The following IQSEC1 variants were observed in gnomAD, a reference collection of about 807,000 sequenced individuals.
IQSEC1 encodes the protein IQ motif and Sec7 domain ArfGEF 1.
A neutral mutation model predicts 91.0 loss-of-function variants in IQSEC1; 31 were observed. That is an observed-to-expected ratio of 0.34 (90% CI 0.26 to 0.46). The LOEUF is 0.46. Ranked by LOEUF, IQSEC1 falls within the 20% of genes least tolerant of loss-of-function variation. IQSEC1 has a pLI of 1.00. For synonymous variants in IQSEC1, 699 were observed against 662.6 expected, an observed-to-expected ratio of 1.05 and a Z score of -0.84; for missense variants, 1,388 against 1,575.6, an observed-to-expected ratio of 0.88 and a Z score of 2.02.
At chr3:12,932,953 G>T (rs551618033) in intron 3 of IQSEC1, among the ~76,000 whole-genome samples, 2 of 152,212 alleles carry the variant, frequency 1.3e-5, no homozygotes, top group South Asian at 4.1e-4. Context: ...CTCAGGCTTC[G>T]TTTCTGTTCT....
intron 1 of IQSEC1, among the ~76,000 whole-genome samples, chr3:13,267,307 T>C (rs1695508788): frequency 2.0e-5 from 3 of 152,222 alleles, no homozygotes. Flanking sequence ...AATAAATGTC[T>C]ATTGTTTATA....
intron 1 of IQSEC1, among the ~76,000 whole-genome samples, chr3:13,229,005 C>G (rs1027710655): frequency 6.6e-6 from 1 of 152,204 alleles, no homozygotes; most frequent in East Asian, 1.9e-4. Context: ...ACCACTAGAG[C>G]CTGGCCTGGT....
intron 1 of IQSEC1, among the ~76,000 whole-genome samples, chr3:12,962,586 G>A (rs1000959862): frequency 6.6e-6 from 1 of 152,346 alleles, no homozygotes; most frequent in South Asian, 2.1e-4. Flanking sequence ...TGATTCAAAA[G>A]CCCTAGCCTT....
chr3:13,176,916 A>G (rs1693741312), intron 1 of IQSEC1, among the ~76,000 whole-genome samples: 1 of 152,254 alleles, frequency 6.6e-6, no homozygotes, highest in Non-Finnish European at 1.5e-5. Flanking sequence ...ACTGATACAT[A>G]CAAACATCAC....
At chr3:13,005,390 C>T (rs922809847) in intron 1 of IQSEC1, among the ~76,000 whole-genome samples, 20 of 152,172 alleles carry the variant, frequency 1.3e-4, no homozygotes, top group Non-Finnish European at 2.6e-4. Context: ...CAGAGCCAGG[C>T]ACCCCAGTGT....
At chr3:13,240,467 C>T (rs80329761) in intron 1 of IQSEC1, among the ~76,000 whole-genome samples, 21,004 of 152,182 alleles carry the variant, frequency 0.14, 1,637 homozygotes, top group East Asian at 0.3. Context: ...CAAGCCAACA[C>T]TCAGAGGCTT....
At chr3:13,276,080 C>CTTTTTTTTTTTT (rs796663192) in intron 1 of IQSEC1, among the ~76,000 whole-genome samples, 1 of 79,524 alleles carries the variant, frequency 1.3e-5, no homozygotes. Context: ...CAAAAGCATT[C>CTTTTTTTTTTTT]TTTTTTTTTT....
chr3:13,069,366 G>C (rs1156970950), intron 1 of IQSEC1, among the ~76,000 whole-genome samples: 1 of 148,872 alleles, frequency 6.7e-6, no homozygotes, highest in East Asian at 2.0e-4. Context: ...TAATGGTGAA[G>C]GCTCAATGCA....
intron 2 of IQSEC1, among the ~76,000 whole-genome samples, chr3:13,133,007 A>G (rs1159799734): frequency 6.6e-6 from 1 of 152,246 alleles, no homozygotes; most frequent in Admixed American, 6.5e-5. Context: ...TGATTGTTTC[A>G]TATTAAAATT....
chr3:12,994,723 C>T lies in IQSEC1; in HGVS notation c.24-52858G>A, dbSNP rs1310925170. Reference sequence around the variant, plus strand: ...ACAGCTGCACCACGCTCCTCCGCGTCCCCTCCAGGACACACCCTCCTGACT... The same window carrying T: ...ACAGCTGCACCACGCTCCTCCGCGTTCCCTCCAGGACACACCCTCCTGACT... On this transcript the variant is annotated intron_variant, in intron 1 of 13. Coordinates refer to ENST00000613206, the MANE Select transcript of IQSEC1 (RefSeq NM_001134382.3). The surrounding 1 kb of genome is among the most constrained non-coding windows in gnomAD (Gnocchi z 4.5). 6.6e-6 allele frequency among the ~76,000 whole-genome samples: 1 copy of T among 152,188 alleles called. No homozygotes were observed. The highest frequency in any genetic ancestry group is 2.4e-5 in the African/African-American group (1 of 41,444).
rs1696767412 is a variant in IQSEC1 at position 12,922,904 on chromosome 3, G to A, written c.1731-662C>T. On this transcript the variant is annotated intron_variant, in intron 4 of 13. Coordinates refer to ENST00000613206, the MANE Select transcript of IQSEC1 (RefSeq NM_001134382.3). The surrounding 1 kb of genome is among the most constrained non-coding windows in gnomAD (Gnocchi z 5.1). ...AGAGAAGATGGAGTCTGCACCAGGAGCCCTGAGGCAGGCTCCAGCTTCTGG... is the reference window on the plus strand; with the variant it reads ...AGAGAAGATGGAGTCTGCACCAGGAACCCTGAGGCAGGCTCCAGCTTCTGG... 6.6e-6 allele frequency among the ~76,000 whole-genome samples: 1 copy of A among 152,162 alleles called. No individual in the cohort carries two copies.
At chr3:12,966,698 C>G (rs1164866754) in intron 1 of IQSEC1, among the ~76,000 whole-genome samples, 1 of 152,180 alleles carries the variant, frequency 6.6e-6, no homozygotes, top group Non-Finnish European at 1.5e-5. Flanking sequence ...AAGCCCCTCA[C>G]ATCCACACTC....
chr3:12,936,842 G>A, intron 2 of IQSEC1, 145 bp from the exon 3 acceptor site: 1 of 675,278 alleles, frequency 1.5e-6, no homozygotes, highest in Non-Finnish European at 2.5e-6. Flanking sequence ...AGGGATGCTG[G>A]TGGGCTTATG....
rs1322106482 is a variant in IQSEC1 at position 13,214,262 on chromosome 3, A to G, written c.273-50129T>C. Among the ~76,000 whole-genome samples the G allele has an allele frequency of 6.6e-6, 1 of 152,150 alleles. No individual in the cohort carries two copies. The highest frequency in any genetic ancestry group is 1.5e-5 in the Non-Finnish European group (1 of 68,020). On this transcript the variant is annotated intron_variant, in intron 1 of 15. Coordinates refer to the IQSEC1 transcript ENST00000648114. This position sits in a 1 kb window ranked among gnomAD's most constrained non-coding sequence, Gnocchi z 4.5. ...AGCCAACCTGCCCTGGCCGGGTGAGACTAACCCTGTCTGAGTCATTAACAT... is the reference window on the plus strand; with the variant it reads ...AGCCAACCTGCCCTGGCCGGGTGAGGCTAACCCTGTCTGAGTCATTAACAT...
intron 2 of IQSEC1, among the ~76,000 whole-genome samples, chr3:13,085,143 A>G (rs1336510708): frequency 6.6e-6 from 1 of 152,186 alleles, no homozygotes; most frequent in Non-Finnish European, 1.5e-5. Flanking sequence ...TGCCCCAAAC[A>G]GCCATATGAA....
chr3:12,949,009 G>A (rs1699363984), intron 1 of IQSEC1, among the ~76,000 whole-genome samples: 3 of 152,216 alleles, frequency 2.0e-5, no homozygotes, highest in South Asian at 2.1e-4. Flanking sequence ...ACAAGATGCC[G>A]TGGTGGGTGT....
intron 1 of IQSEC1, among the ~76,000 whole-genome samples, chr3:13,176,229 A>G (rs1693725659): frequency 6.6e-6 from 1 of 152,212 alleles, no homozygotes; most frequent in African/African-American, 2.4e-5. Flanking sequence ...TCAGATGACT[A>G]TAGCCCCCAC....
chr3:13,135,929 A>C (rs1706701054), intron 2 of IQSEC1, among the ~76,000 whole-genome samples: 1 of 152,182 alleles, frequency 6.6e-6, no homozygotes, highest in South Asian at 2.1e-4. Flanking sequence ...TGAGAGGAGA[A>C]GCGCAGGCCC....
intron 1 of IQSEC1, among the ~76,000 whole-genome samples, chr3:12,951,315 C>A (rs1362806425): frequency 2.6e-5 from 4 of 152,038 alleles, no homozygotes; most frequent in Admixed American, 2.6e-4. Context: ...CCCAGCTACT[C>A]GGGAGGCTAA....
Sources: gnomAD v4.1 joint callset for allele counts (sites outside exome capture counted in the v4.1 genomes callset) on GRCh38, gnomAD v4.1.1 for gene constraint, Gnocchi (gnomAD v3.1) non-coding constraint, MANE v1.5 for transcripts, NCBI Gene and HGNC (gene_info 2026-07-23, HGNC 2026-07-21) for gene names.